Variants in ENOX2 observed in about 807,000 individuals in gnomAD.
ENOX2 encodes the protein APK1 antigen.
Under a neutral mutation model 45.0 loss-of-function variants are expected in ENOX2, and 36 were observed. The observed-to-expected ratio is 0.80, with a 90% CI of 0.61 to 1.06. The LOEUF (loss-of-function observed/expected upper bound fraction) is 1.06. Ranked by LOEUF, ENOX2 falls within the 50% of genes least tolerant of loss-of-function variation. The probability of loss-of-function intolerance (pLI) is 0.00; values close to 1 mark genes in which losing one functional copy is unlikely to be tolerated. For synonymous variants in ENOX2, 174 were observed against 152.3 expected, an observed-to-expected ratio of 1.14 and a Z score of -1.05; for missense variants, 423 against 462.5, an observed-to-expected ratio of 0.91 and a Z score of 0.78.
chrX:130,790,576 G>A (rs1431794838), intron 2 of ENOX2, among the ~76,000 whole-genome samples: 1 of 112,211 alleles, frequency 8.9e-6, no homozygotes, highest in Non-Finnish European at 1.9e-5. Context: ...TGCTGGTGTG[G>A]GAATCACATT....
chrX:130,799,990 T>A (rs1286973326), intron 2 of ENOX2, among the ~76,000 whole-genome samples: 1 of 111,587 alleles, frequency 9.0e-6, no homozygotes, highest in African/African-American at 3.3e-5. Flanking sequence ...TTTTTAATGA[T>A]GTTTAAATAC....
chrX:130,738,412 A>G (rs1603336554), intron 3 of ENOX2, among the ~76,000 whole-genome samples: 1 of 112,300 alleles, frequency 8.9e-6, no homozygotes, highest in East Asian at 2.8e-4. Context: ...GATGTAGAGG[A>G]AAGCACAGTG....
At chrX:130,832,959 A>C (rs1333158691) in intron 2 of ENOX2, among the ~76,000 whole-genome samples, 1 of 108,557 alleles carries the variant, frequency 9.2e-6, no homozygotes, top group Non-Finnish European at 1.9e-5. Flanking sequence ...AAACATAAGA[A>C]AGACACATAT....
chrX:130,846,996 C>T (rs750666902), intron 2 of ENOX2, among the ~76,000 whole-genome samples: 1 of 112,071 alleles, frequency 8.9e-6, no homozygotes, highest in African/African-American at 3.2e-5. Context: ...AGCCCTAAGG[C>T]CAAATTCAGG....
chrX:130,657,924 A>G (rs73553300), intron 9 of ENOX2, among the ~76,000 whole-genome samples: 185 of 112,280 alleles, frequency 1.6e-3, no homozygotes, highest in African/African-American at 5.5e-3. Flanking sequence ...AGCTATTAAT[A>G]TAACTGTGCT....
chrX:130,632,255 A>G (rs1445615848), intron 12 of ENOX2, among the ~76,000 whole-genome samples: 3 of 108,891 alleles, frequency 2.8e-5, no homozygotes, highest in Non-Finnish European at 5.7e-5. Flanking sequence ...ATTATCAGTT[A>G]GAATATTCCT....
Position 130,806,305 on chromosome X carries a change from A to T in ENOX2, c.-182-22615T>A, listed in dbSNP as rs138061236. ...CCATGTGTGACTGAGAATTTGTACC[A>T]CTGACTTACTGAAAAAGCATCTTCT... On this transcript the variant is annotated intron_variant, in intron 2 of 14. Transcript: ENST00000394363. Among the ~76,000 whole-genome samples the T allele has an allele frequency of 8.0e-3, 899 of 112,312 alleles. 10 individuals carry two copies. The highest frequency in any genetic ancestry group is 0.027 in the African/African-American group (849 of 30,939).
At chrX:130,718,522 G>A (rs1371156165) in intron 3 of ENOX2, among the ~76,000 whole-genome samples, 1 of 111,972 alleles carries the variant, frequency 8.9e-6, no homozygotes, top group East Asian at 2.8e-4. Flanking sequence ...ATAAACAAGG[G>A]ATATTAATTG....
intron 2 of ENOX2, among the ~76,000 whole-genome samples, chrX:130,869,726 C>G (rs1050982953): frequency 2.7e-5 from 3 of 111,917 alleles, no homozygotes; most frequent in Non-Finnish European, 5.7e-5. Context: ...TTTTTGTTCT[C>G]TTTTCTAACA....
At chrX:130,725,305 G>A (rs778018650) in intron 3 of ENOX2, among the ~76,000 whole-genome samples, 7 of 107,107 alleles carry the variant, frequency 6.5e-5, no homozygotes, top group African/African-American at 1.7e-4. Context: ...TAATTGAGTC[G>A]AGCATGGATA....
chrX:130,712,865 C>T (rs1274542043), intron 3 of ENOX2, among the ~76,000 whole-genome samples: 1 of 111,603 alleles, frequency 9.0e-6, no homozygotes, highest in South Asian at 3.9e-4. Flanking sequence ...GCCCCTCAGT[C>T]GAATTCTTTC....
chrX:130,797,160 C>T (rs2077144309), intron 2 of ENOX2, among the ~76,000 whole-genome samples: 1 of 111,879 alleles, frequency 8.9e-6, no homozygotes, highest in South Asian at 3.8e-4. Flanking sequence ...AAACACTGCA[C>T]AGATTCTTAA....
intron 2 of ENOX2, among the ~76,000 whole-genome samples, chrX:130,831,283 T>G (rs2077823058): frequency 1.8e-5 from 2 of 111,801 alleles, no homozygotes; most frequent in East Asian, 2.8e-4. Flanking sequence ...GCAATTAAAT[T>G]TTAACATGAG....
In ENOX2 at chrX:130,631,513, T is replaced by G; in HGVS notation, c.1483A>C (p.Met495Leu). Residue 495 changes from methionine to leucine, a missense_variant, in exon 13 of 15, where the codon ATG becomes CTG. Met to Leu is a conservative substitution (Grantham distance 15). Coordinates refer to ENST00000394363, the MANE Select transcript of ENOX2 (RefSeq NM_006375.4). ...QDSEYPLEKT[M>L]NSSPIKSERE... ...TCAGATTTGATAGGACTGCTGTTCA[T>G]GGTCTTCTCAAGAGGGTATTCGCTA... 8.3e-7 allele frequency: 1 copy of G among 1,206,808 alleles called. No individual in the cohort carries two copies. The highest frequency in any genetic ancestry group is 1.1e-6 in the Non-Finnish European group (1 of 890,946).
rs1310672374 is a variant in ENOX2, at chrX:130,670,074, C to T, written c.585G>A (p.Glu195=). ...WECKQRMLAR[E]ERHRRRMEEE... Reference sequence around the variant, plus strand: ...CTTCCATTCTTCTACGATGGCGCTCCTCTCTGGCTAGCATACGCTGTTTAC... The same window carrying T: ...CTTCCATTCTTCTACGATGGCGCTCTTCTCTGGCTAGCATACGCTGTTTAC... Residue 195 remains glutamate, a synonymous_variant, in exon 7 of 15, where the codon GAG becomes GAA. Transcript: ENST00000394363. The T allele has an allele frequency of 1.7e-6, 2 of 1,210,878 alleles. No individual in the cohort carries two copies. Among genetic ancestry groups the T allele is most frequent in the Non-Finnish European group, 2.2e-6 (2 of 894,786 alleles).
chrX:130,780,773 A>C (rs2039952230), intron 3 of ENOX2, among the ~76,000 whole-genome samples: 1 of 111,463 alleles, frequency 9.0e-6, no homozygotes, highest in Non-Finnish European at 1.9e-5. Flanking sequence ...GAAAGGGAGG[A>C]AAAAAGATTG....
rs2035953288 is a variant in ENOX2, at chrX:130,637,219, A to C, written c.1311+10T>G. ...CTACCCAGAAGCTCAGAAAACCAAA[A>C]TGCCTTTACCTGTTGCATTCCTTGC... On this transcript the variant is annotated intron_variant, in intron 11 of 14. Coordinates refer to ENST00000394363, the MANE Select transcript of ENOX2 (RefSeq NM_006375.4). The C allele has an allele frequency of 8.3e-7, 1 of 1,207,810 alleles. No individual in the cohort carries two copies. Among genetic ancestry groups the C allele is most frequent in the Admixed American group, 2.2e-5 (1 of 45,798 alleles).
At chrX:130,786,082 C>A (rs896698199) in intron 2 of ENOX2, among the ~76,000 whole-genome samples, 1 of 113,198 alleles carries the variant, frequency 8.8e-6, no homozygotes, top group Non-Finnish European at 1.9e-5. Context: ...CTCCCTCCCT[C>A]CCACAATTAT....
chrX:130,770,911 G>A (rs916954915), intron 3 of ENOX2, among the ~76,000 whole-genome samples: 5 of 112,261 alleles, frequency 4.5e-5, no homozygotes, highest in African/African-American at 1.6e-4. Flanking sequence ...CTATTCTAGA[G>A]TAATACTTGT....
Sources: gnomAD v4.1 joint callset for allele counts (sites outside exome capture counted in the v4.1 genomes callset) on GRCh38, gnomAD v4.1.1 for gene constraint, MANE v1.5 for transcripts, NCBI Gene and HGNC (gene_info 2026-07-23, HGNC 2026-07-21) for gene names.